The following AK9 variants were observed in gnomAD, a reference collection of about 807,000 sequenced individuals.
AK9 encodes adenylate kinase 9, also known as adenylate kinase domain containing 1.
AK9 carries 191 observed loss-of-function variants against 239.6 expected under a neutral mutation model. The ratio of observed to expected loss-of-function variants is 0.80; its 90% confidence interval spans 0.71 to 0.90. AK9 has a LOEUF of 0.90. AK9 is among the 40% of genes least tolerant of loss of function. The probability of loss-of-function intolerance (pLI) is 0.00; values close to 1 mark genes in which losing one functional copy is unlikely to be tolerated. For missense variants in AK9, 1,995 were observed against 2,214.7 expected (o/e 0.90, Z 1.99); for synonymous variants, 689 against 721.0 (o/e 0.96, Z 0.71).
Position 109,610,558 on chromosome 6 carries a change from G to A in AK9, c.1694-45C>T, listed in dbSNP as rs1477779957. On this transcript the variant is annotated intron_variant, in intron 16 of 40. Transcript: ENST00000424296. ...TAAATTAATGCCATTAATAATTTTAGTGGACAATACTACTTGCAATAAAAC... is the reference window on the plus strand; with the variant it reads ...TAAATTAATGCCATTAATAATTTTAATGGACAATACTACTTGCAATAAAAC... The A allele has an allele frequency of 3.3e-6, 5 of 1,511,544 alleles. No individual in the cohort carries two copies. The Admixed American group carries it at 6.1e-5, about 19-fold the overall frequency. 93.6% of individuals were successfully genotyped at this position (1,511,544 alleles called of 1,614,324 possible). A position where few individuals can be genotyped will look rare whatever the true frequency, so the allele number is the denominator to read the frequency against.
chr6:109,497,362 A>ACACACTCT lies in AK9; in HGVS notation c.5315+102_5315+103insAGAGTGTG, dbSNP rs1554230922. 2,023 of 498,928 alleles carry ACACACTCT rather than the reference A, an allele frequency of 4.1e-3. 30 individuals carry two copies. Among genetic ancestry groups the ACACACTCT allele is most frequent in the African/African-American group, 0.029 (1,061 of 36,894 alleles). The allele number at this position is 498,928 out of a possible 1,614,324, so 30.9% of individuals were successfully genotyped here. A position where few individuals can be genotyped will look rare whatever the true frequency, so the allele number is the denominator to read the frequency against. On this transcript the variant is annotated intron_variant, in intron 38 of 40. Coordinates refer to ENST00000424296, the MANE Select transcript of AK9 (RefSeq NM_001145128.3). ...CACACACACACACACACACACACAC[A>ACACACTCT]CTCTCTCTCTCTCTCTCTCTCTCAC...
intron 5 of AK9, among the ~76,000 whole-genome samples, chr6:109,662,929 G>A (rs1800624880): frequency 6.6e-6 from 1 of 151,910 alleles, no homozygotes; most frequent in South Asian, 2.1e-4. Context: ...AGACAGATGA[G>A]GTGCCTAGGG....
chr6:109,568,431 A>C (rs1014542838), intron 21 of AK9, among the ~76,000 whole-genome samples: 15 of 152,112 alleles, frequency 9.9e-5, no homozygotes, highest in East Asian at 7.7e-4. Context: ...CTGGCCAGGG[A>C]AATCAGGCAA....
intron 25 of AK9, among the ~76,000 whole-genome samples, chr6:109,549,355 C>A (rs1784014030): frequency 6.6e-6 from 1 of 152,134 alleles, no homozygotes; most frequent in Non-Finnish European, 1.5e-5. Context: ...AATCTTACTT[C>A]CATAGATGTC....
chr6:109,675,835 T>C, intron 1 of AK9, 79 bp from the exon 2 acceptor site: 1 of 803,368 alleles, frequency 1.2e-6, no homozygotes, highest in Non-Finnish European at 2.0e-6. Context: ...AAATAACCTG[T>C]GAGTTTTCTT....
At chr6:109,558,364 T>C (rs974108178) in intron 24 of AK9, among the ~76,000 whole-genome samples, 3 of 152,192 alleles carry the variant, frequency 2.0e-5, no homozygotes, top group Admixed American at 6.5e-5. Context: ...TTTTGTAATG[T>C]ACATTTAGGC....
chr6:109,516,293 A>G, intron 30 of AK9, 137 bp downstream of exon 30: 2 of 898,882 alleles, frequency 2.2e-6, no homozygotes, highest in Non-Finnish European at 3.3e-6. Flanking sequence ...TAATTGTTAA[A>G]TGATACCGAT....
intron 17 of AK9, among the ~76,000 whole-genome samples, chr6:109,589,133 T>C (rs1229660366): frequency 1.3e-5 from 2 of 152,204 alleles, no homozygotes; most frequent in African/African-American, 4.8e-5. Flanking sequence ...GGTAATTTTA[T>C]AGGAATTGCC....
At chr6:109,537,698 G>C (rs1006056655) in intron 27 of AK9, among the ~76,000 whole-genome samples, 1 of 151,904 alleles carries the variant, frequency 6.6e-6, no homozygotes, top group Admixed American at 6.6e-5. Flanking sequence ...TGTGATGATA[G>C]GGTGTCAATT....
intron 5 of AK9, among the ~76,000 whole-genome samples, chr6:109,671,549 C>G (rs536908382): frequency 6.6e-6 from 1 of 152,186 alleles, no homozygotes; most frequent in Non-Finnish European, 1.5e-5. Context: ...CTCCCGCCTT[C>G]TAAGTGTGGA....
intron 8 of AK9, among the ~76,000 whole-genome samples, chr6:109,653,526 T>A (rs936966584): frequency 3.3e-5 from 5 of 152,234 alleles, no homozygotes; most frequent in African/African-American, 1.2e-4. Context: ...GGAAAGTTTT[T>A]AACCCTTATC....
intron 35 of AK9, among the ~76,000 whole-genome samples, chr6:109,503,549 C>T (rs896185453): frequency 6.6e-6 from 1 of 152,008 alleles, no homozygotes; most frequent in African/African-American, 2.4e-5. Flanking sequence ...GAACAGTAAA[C>T]AAAGGAAACA....
At chr6:109,513,140 C>T (rs1287357812) in intron 32 of AK9, among the ~76,000 whole-genome samples, 2 of 152,220 alleles carry the variant, frequency 1.3e-5, no homozygotes, top group Non-Finnish European at 2.9e-5. Context: ...GCTGGGATTA[C>T]AGGCATGAGC....
chr6:109,602,785 T>C (rs1009904067), intron 17 of AK9, among the ~76,000 whole-genome samples: 3 of 152,222 alleles, frequency 2.0e-5, no homozygotes, highest in African/African-American at 7.2e-5. Flanking sequence ...TTATTCTTTT[T>C]TCTCTAAACT....
chr6:109,633,656 T>C (rs2128275295), intron 10 of AK9, among the ~76,000 whole-genome samples: 2 of 152,318 alleles, frequency 1.3e-5, no homozygotes, highest in South Asian at 4.1e-4. Flanking sequence ...TCTATCATCT[T>C]CCTTAGAAAA....
chr6:109,638,986 C>A (rs1562531616), intron 10 of AK9, among the ~76,000 whole-genome samples: 3 of 152,272 alleles, frequency 2.0e-5, no homozygotes, highest in South Asian at 2.1e-4. Context: ...TGAACTCATC[C>A]TTTTTTATGG....
At chr6:109,653,413 T>C (rs1187051805) in intron 8 of AK9, among the ~76,000 whole-genome samples, 1 of 152,180 alleles carries the variant, frequency 6.6e-6, no homozygotes, top group East Asian at 1.9e-4. Context: ...TACTTTTTAT[T>C]CCTGTGGTGA....
At chr6:109,674,592 G>T (rs1771431858) in intron 2 of AK9, among the ~76,000 whole-genome samples, 1 of 152,150 alleles carries the variant, frequency 6.6e-6, no homozygotes. Context: ...TTATATTGGA[G>T]AGTCATCATT....
chr6:109,541,567 C>A (rs1200218342), intron 27 of AK9, among the ~76,000 whole-genome samples: 2 of 152,194 alleles, frequency 1.3e-5, no homozygotes, highest in African/African-American at 2.4e-5. Context: ...TGTGCCACCA[C>A]ACCCAGCTAA....
Sources: gnomAD v4.1 joint callset for allele counts (sites outside exome capture counted in the v4.1 genomes callset) on GRCh38, gnomAD v4.1.1 for gene constraint, MANE v1.5 for transcripts, NCBI Gene and HGNC (gene_info 2026-07-23, HGNC 2026-07-21) for gene names.